The following XYLT1 variants were observed in gnomAD, a reference collection of about 807,000 sequenced individuals.
XYLT1 encodes the protein beta-D-xylosyltransferase 1.
XYLT1 carries 36 observed loss-of-function variants against 91.3 expected under a neutral mutation model. That is an observed-to-expected ratio of 0.39 (90% CI 0.30 to 0.52). The LOEUF is 0.52. XYLT1 is among the 20% of genes least tolerant of loss of function. The pLI is 0.68. For synonymous variants in XYLT1, 588 were observed against 532.0 expected (o/e 1.11, Z -1.45); for missense variants, 1,242 against 1,284.5 (o/e 0.97, Z 0.51).
chr16:17,192,092 C>CTCT (rs1449545873), intron 5 of XYLT1, among the ~76,000 whole-genome samples: 13 of 126,792 alleles, frequency 1.0e-4, no homozygotes, highest in African/African-American at 4.0e-4. Context: ...CTCTCTCTCT[C>CTCT]TTTTTTTTTT....
intron 2 of XYLT1, among the ~76,000 whole-genome samples, chr16:17,300,819 G>A (rs1017423434): frequency 2.0e-5 from 3 of 152,020 alleles, no homozygotes; most frequent in Non-Finnish European, 2.9e-5. Flanking sequence ...AACAATCGAT[G>A]AGCTAGATAG....
chr16:17,289,188 A>T (rs2034186480), intron 2 of XYLT1, among the ~76,000 whole-genome samples: 1 of 152,232 alleles, frequency 6.6e-6, no homozygotes, highest in African/African-American at 2.4e-5. Context: ...GAAACCAGTC[A>T]TAGGGCGTAT....
chr16:17,232,557 T>C (rs1490481107), intron 3 of XYLT1, among the ~76,000 whole-genome samples: 1 of 151,064 alleles, frequency 6.6e-6, no homozygotes, highest in African/African-American at 2.4e-5. Flanking sequence ...TATTGATTGA[T>C]TGATGATGAT....
chr16:17,118,059 G>A (rs1597130789), intron 10 of XYLT1, 80 bp from the exon 11 acceptor site: 1 of 1,430,552 alleles, frequency 7.0e-7, no homozygotes, highest in East Asian at 2.4e-5. Flanking sequence ...GATCCCCTTT[G>A]TTAGCTTTCA....
intron 1 of XYLT1, among the ~76,000 whole-genome samples, chr16:17,379,763 T>TCTCACACACACACACACACACA (rs373354877): frequency 1.6e-5 from 2 of 125,546 alleles, no homozygotes; most frequent in African/African-American, 6.3e-5. Context: ...TCTCTCTCTC[T>TCTCACACACACACACACACACA]CACACACACA....
chr16:17,138,253 C>T, intron 8 of XYLT1, 102 bp downstream of exon 8: 11 of 1,407,380 alleles, frequency 7.8e-6, no homozygotes, highest in Non-Finnish European at 1.1e-5. Flanking sequence ...CAGGTTTGGG[C>T]ACCATGTGAT....
intron 9 of XYLT1, among the ~76,000 whole-genome samples, chr16:17,132,292 C>T (rs2030513196): frequency 1.3e-5 from 2 of 152,144 alleles, no homozygotes; most frequent in Admixed American, 1.3e-4. Flanking sequence ...GAACTACTTT[C>T]AGCTTGGGAG....
intron 8 of XYLT1, chr16:17,137,490 C>T (rs1174907544): frequency 6.6e-6 from 1 of 152,286 alleles, no homozygotes; most frequent in Non-Finnish European, 1.5e-5. Context: ...TTCAGTGGCA[C>T]TCATATTTGT....
chr16:17,182,887 C>T (rs1185235972), intron 5 of XYLT1, among the ~76,000 whole-genome samples: 1 of 152,172 alleles, frequency 6.6e-6, no homozygotes, highest in Non-Finnish European at 1.5e-5. Flanking sequence ...TAACGCAGGA[C>T]AGATGGTTCC....
At chr16:17,430,060 C>G (rs779298740) in intron 1 of XYLT1, among the ~76,000 whole-genome samples, 5 of 151,996 alleles carry the variant, frequency 3.3e-5, no homozygotes, top group Non-Finnish European at 5.9e-5. Context: ...CCTCAGCCCC[C>G]CAAGTAGCTG....
intron 3 of XYLT1, among the ~76,000 whole-genome samples, chr16:17,254,797 CT>C (rs1256817394): frequency 4.6e-5 from 7 of 152,120 alleles, no homozygotes; most frequent in Non-Finnish European, 1.0e-4. Context: ...TCAACACAGG[CT>C]ATTATCAGTT....
chr16:17,177,057 T>A (rs2031961022), intron 5 of XYLT1, among the ~76,000 whole-genome samples: 1 of 152,192 alleles, frequency 6.6e-6, no homozygotes, highest in African/African-American at 2.4e-5. Context: ...CCACACTCTG[T>A]CCACATAAGC....
At chr16:17,375,183 T>C (rs567276813) in intron 1 of XYLT1, among the ~76,000 whole-genome samples, 2 of 152,226 alleles carry the variant, frequency 1.3e-5, no homozygotes, top group African/African-American at 2.4e-5. Context: ...ATAACATTTC[T>C]TAGGCACTTA....
At chr16:17,262,798 C>T (rs1035196118) in intron 2 of XYLT1, among the ~76,000 whole-genome samples, 6 of 152,052 alleles carry the variant, frequency 3.9e-5, no homozygotes, top group African/African-American at 1.5e-4. Flanking sequence ...AGAAATTGAC[C>T]CCTGCTGCTT....
chr16:17,457,933 GAAA>G (rs1019145693), intron 1 of XYLT1, among the ~76,000 whole-genome samples: 1 of 151,802 alleles, frequency 6.6e-6, no homozygotes, highest in East Asian at 1.9e-4. Flanking sequence ...AAAAGAAGAA[GAAA>G]AAAAAGAATA....
chr16:17,243,935 T>C (rs1307654082), intron 3 of XYLT1, among the ~76,000 whole-genome samples: 1 of 152,136 alleles, frequency 6.6e-6, no homozygotes, highest in Non-Finnish European at 1.5e-5. Context: ...CACGGCACCA[T>C]GGACATTTTG....
chr16:17,246,432 C>G (rs72777781), intron 3 of XYLT1, among the ~76,000 whole-genome samples: 300 of 152,278 alleles, frequency 2.0e-3, no homozygotes, highest in Non-Finnish European at 3.2e-3. Context: ...TCTGGAGAAG[C>G]TAGATCAGTC....
At chr16:17,273,563 G>T (rs1184141130) in intron 2 of XYLT1, among the ~76,000 whole-genome samples, 1 of 152,188 alleles carries the variant, frequency 6.6e-6, no homozygotes, top group South Asian at 2.1e-4. Flanking sequence ...TGAGAAGTAC[G>T]CCAGGCATGG....
Position 17,102,682 on chromosome 16 carries a change from A to G in XYLT1, c.*6013T>C, listed in dbSNP as rs983189789. The G allele has an allele frequency of 6.6e-6, 1 of 152,416 alleles. No homozygotes were observed. Among genetic ancestry groups the G allele is most frequent in the Non-Finnish European group, 1.5e-5 (1 of 68,038 alleles). The allele number at this position is 152,416 out of a possible 1,614,324, so 9.4% of individuals were successfully genotyped here. On this transcript the variant is annotated 3_prime_UTR_variant, in exon 12 of 12. Coordinates refer to ENST00000261381, the MANE Select transcript of XYLT1 (RefSeq NM_022166.4). ...TTCAGATAGTTCAATATCTCTTAAA[A>G]TACTCCTTTAAATAAATAGCAAAAT...
Sources: gnomAD v4.1 joint callset for allele counts (sites outside exome capture counted in the v4.1 genomes callset) on GRCh38, gnomAD v4.1.1 for gene constraint, MANE v1.5 for transcripts, NCBI Gene and HGNC (gene_info 2026-07-23, HGNC 2026-07-21) for gene names.